LIPA: variants seen among roughly 807,000 people sequenced by gnomAD.
LIPA encodes the protein lipase A, lysosomal acid type.
A neutral mutation model predicts 40.6 loss-of-function variants in LIPA; 26 were observed. That is an observed-to-expected ratio of 0.64 (90% CI 0.47 to 0.89). LIPA has a LOEUF of 0.89. LIPA is among the 40% of genes least tolerant of loss of function. The pLI is 0.00. For synonymous variants in LIPA, 188 were observed against 168.4 expected (o/e 1.12, Z -0.90); for missense variants, 455 against 479.6 (o/e 0.95, Z 0.48).
chr10:89,318,977 A>G (rs1021299951), intron 1 of LIPA, among the ~76,000 whole-genome samples: 1 of 152,224 alleles, frequency 6.6e-6, no homozygotes, highest in Non-Finnish European at 1.5e-5. Context: ...GGTACATAAG[A>G]AAATGAAGGC....
At chr10:89,265,670 G>A (rs72814773) in intron 1 of LIPA, among the ~76,000 whole-genome samples, 2,584 of 152,270 alleles carry the variant, frequency 0.017, 23 homozygotes, top group Non-Finnish European at 0.025. Flanking sequence ...CACTGGGAAA[G>A]ATTGGAAACT....
intron 2 of LIPA, among the ~76,000 whole-genome samples, chr10:89,408,072 A>C (rs960374802): frequency 6.6e-6 from 1 of 152,144 alleles, no homozygotes; most frequent in Non-Finnish European, 1.5e-5. Context: ...AGAAACAAAC[A>C]AACCAAAACC....
At chr10:89,243,762 C>T (rs1842991349) in intron 3 of LIPA, among the ~76,000 whole-genome samples, 1 of 152,168 alleles carries the variant, frequency 6.6e-6, no homozygotes, top group Non-Finnish European at 1.5e-5. Context: ...GTGATACACA[C>T]AGGTAGGGCA....
At chr10:89,247,491 CG>C (rs1470014810) in intron 2 of LIPA, 46 bp downstream of exon 2, 1 of 1,106,008 alleles carries the variant, frequency 9.0e-7, no homozygotes, top group Non-Finnish European at 1.4e-6. Context: ...ATAACTGGAT[CG>C]GGGAAATAGA....
At chr10:89,329,881 G>T (rs1476669799) in intron 1 of LIPA, among the ~76,000 whole-genome samples, 1 of 152,076 alleles carries the variant, frequency 6.6e-6, no homozygotes, top group Non-Finnish European at 1.5e-5. Flanking sequence ...AGGGAAGGGA[G>T]ATAGGGGTGG....
At chr10:89,346,936 T>C (rs1261230192), upstream of LIPA, among the ~76,000 whole-genome samples, 2 of 152,212 alleles carry the variant, frequency 1.3e-5, no homozygotes, top group Non-Finnish European at 2.9e-5. Flanking sequence ...TAGCCTGTCT[T>C]TTCTCTCCTT....
intron 1 of LIPA, among the ~76,000 whole-genome samples, chr10:89,333,207 A>AG (rs1237795684): frequency 1.3e-5 from 2 of 152,180 alleles, no homozygotes; most frequent in Non-Finnish European, 2.9e-5. Flanking sequence ...ATCAATGAAC[A>AG]GGGAGAAGGT....
Position 89,223,933 on chromosome 10 carries a change from C to T in LIPA, c.676-103G>A, listed in dbSNP as rs1187030598. On this transcript the variant is annotated intron_variant, in intron 6 of 9. Coordinates refer to ENST00000336233, the MANE Select transcript of LIPA (RefSeq NM_000235.4). ...CAGAGACAAGTACCCAATGTCTCCACGAATGGCCTCAGGAGAGAATGGCAA... is the reference window on the plus strand; with the variant it reads ...CAGAGACAAGTACCCAATGTCTCCATGAATGGCCTCAGGAGAGAATGGCAA... 39 of 1,200,402 alleles carry T rather than the reference C, an allele frequency of 3.2e-5. 1 individual carries two copies. The highest frequency in any genetic ancestry group is 4.9e-5 in the South Asian group (4 of 81,238). The allele number at this position is 1,200,402 out of a possible 1,614,324, so 74.4% of individuals were successfully genotyped here.
intron 8 of LIPA, among the ~76,000 whole-genome samples, chr10:89,221,078 C>T (rs551678450): frequency 6.6e-6 from 1 of 152,012 alleles, no homozygotes; most frequent in Non-Finnish European, 1.5e-5. Context: ...GGAGGTATCA[C>T]AAAGGGGCAG....
intron 1 of LIPA, chr10:89,302,217 G>A (rs986618538): frequency 7.2e-7 from 1 of 1,391,890 alleles, no homozygotes; most frequent in Non-Finnish European, 1.0e-6. Context: ...AAGAGGGCCA[G>A]CTCCATTTTA....
chr10:89,384,428 T>G (rs1844188907), intron 2 of LIPA: 1 of 1,614,212 alleles, frequency 6.2e-7, no homozygotes, highest in Non-Finnish European at 8.5e-7. Flanking sequence ...ATGAAGATCT[T>G]TGAAGATCAG....
chr10:89,404,918 C>G (rs949739825), intron 2 of LIPA: 3 of 152,058 alleles, frequency 2.0e-5, no homozygotes, highest in African/African-American at 7.2e-5. Context: ...CGAGATCTTG[C>G]CACTGCACTC....
At chr10:89,371,264 A>G (rs1407571401) in intron 2 of LIPA, among the ~76,000 whole-genome samples, 3 of 152,178 alleles carry the variant, frequency 2.0e-5, no homozygotes, top group Admixed American at 6.5e-5. Flanking sequence ...TCATGATCTT[A>G]ATGCATATGG....
intron 1 of LIPA, among the ~76,000 whole-genome samples, chr10:89,337,590 G>C (rs1282799041): frequency 6.6e-6 from 1 of 152,158 alleles, no homozygotes; most frequent in Non-Finnish European, 1.5e-5. Context: ...AGTAGAGGCA[G>C]GCTTTCGCCA....
chr10:89,401,552 TGAAGA>T (rs1460733937), intron 2 of LIPA, among the ~76,000 whole-genome samples: 1 of 152,146 alleles, frequency 6.6e-6, no homozygotes, highest in Non-Finnish European at 1.5e-5. Context: ...GATGTGGTAG[TGAAGA>T]GGAGTTTCGT....
intron 2 of LIPA, among the ~76,000 whole-genome samples, chr10:89,378,812 A>G (rs1181092175): frequency 6.6e-6 from 1 of 152,236 alleles, no homozygotes; most frequent in Non-Finnish European, 1.5e-5. Context: ...TAGCTGGCTT[A>G]ATAAAAGCAG....
At chr10:89,269,727 G>A (rs1302708833) in intron 1 of LIPA, among the ~76,000 whole-genome samples, 1 of 152,154 alleles carries the variant, frequency 6.6e-6, no homozygotes, top group East Asian at 1.9e-4. Context: ...CTTACCAAAG[G>A]TTAATGTCCT....
intron 2 of LIPA, chr10:89,384,718 G>A (rs1844192934): frequency 6.2e-7 from 1 of 1,611,300 alleles, no homozygotes; most frequent in South Asian, 1.1e-5. Context: ...GCTGGCTGCT[G>A]ACCTGAACCC....
intron 2 of LIPA, among the ~76,000 whole-genome samples, chr10:89,412,099 A>G (rs1055762671): frequency 1.3e-5 from 2 of 152,160 alleles, no homozygotes; most frequent in African/African-American, 4.8e-5. Flanking sequence ...TCCCCTCTGG[A>G]GGACACTACA....
Sources: allele counts gnomAD v4.1 joint callset (sites outside exome capture counted in the v4.1 genomes callset), GRCh38; gene constraint gnomAD v4.1.1; transcripts MANE v1.5; gene names NCBI Gene and HGNC (gene_info 2026-07-23, HGNC 2026-07-21).